The following CFAP161 variants were observed in gnomAD, a reference collection of about 807,000 sequenced individuals.
The protein encoded by CFAP161 is cilia and flagella associated protein 161.
CFAP161 carries 25 observed loss-of-function variants against 29.0 expected under a neutral mutation model. The ratio of observed to expected loss-of-function variants is 0.86; its 90% CI spans 0.63 to 1.20. The LOEUF (loss-of-function observed/expected upper bound fraction) is 1.20. Ranked by LOEUF, CFAP161 falls within the 50% of genes most tolerant of loss-of-function variation. CFAP161 has a pLI of 0.00. For missense variants in CFAP161, 367 were observed against 371.9 expected, an observed-to-expected ratio of 0.99 and a Z score of 0.11; for synonymous variants, 116 against 137.4, an observed-to-expected ratio of 0.84 and a Z score of 1.09.
chr15:81,111,201 A>G (rs561567537), intron 1 of CFAP161, among the ~76,000 whole-genome samples: 5 of 152,342 alleles, frequency 3.3e-5, no homozygotes, highest in African/African-American at 1.2e-4. Context: ...TGTTCAGAAC[A>G]GTCTTCTCCT....
At chr15:81,132,598 T>TTA (rs1337739410), upstream of CFAP161, among the ~76,000 whole-genome samples, 3 of 152,198 alleles carry the variant, frequency 2.0e-5, no homozygotes, top group African/African-American at 7.2e-5. Flanking sequence ...ATTGGGTCTA[T>TTA]TATATATAGA....
chr15:81,127,592 G>A (rs1252368028), exon 2 of CFAP161: 1 of 151,990 alleles, frequency 6.6e-6, no homozygotes, highest in African/African-American at 2.4e-5. Context: ...TTATTAAGGT[G>A]GGCTTATCTA....
chr15:81,103,966 T>A (rs1340264147), intron 1 of CFAP161, among the ~76,000 whole-genome samples: 2 of 109,678 alleles, frequency 1.8e-5, no homozygotes, highest in Non-Finnish European at 5.2e-5. Flanking sequence ...ATGTTGATGG[T>A]TATTGTGGTG....
chr15:81,122,263 T>C (rs993945399), intron 1 of CFAP161, among the ~76,000 whole-genome samples: 12 of 152,134 alleles, frequency 7.9e-5, no homozygotes, highest in Non-Finnish European at 1.5e-4. Context: ...GGTATTTCTG[T>C]CTTTAGGTCT....
intron 4 of CFAP161, among the ~76,000 whole-genome samples, chr15:81,143,044 C>T (rs1305764114): frequency 1.3e-5 from 2 of 152,056 alleles, no homozygotes; most frequent in Admixed American, 6.6e-5. Flanking sequence ...TGGGCATGGT[C>T]GTTCACACCT....
chr15:81,131,993 A>G (rs1894717594), upstream of CFAP161, among the ~76,000 whole-genome samples: 1 of 152,186 alleles, frequency 6.6e-6, no homozygotes. Context: ...AATGGAGGCC[A>G]TGGCTGGGCA....
intron 5 of CFAP161, among the ~76,000 whole-genome samples, chr15:81,146,671 G>T (rs1180479344): frequency 6.6e-6 from 1 of 151,226 alleles, no homozygotes; most frequent in African/African-American, 2.4e-5. Context: ...GCATCATTAG[G>T]CAATCGTGGT....
At chr15:81,112,067 G>A (rs78322044) in intron 1 of CFAP161, among the ~76,000 whole-genome samples, 1,545 of 152,152 alleles carry the variant, frequency 0.01, 29 homozygotes, top group African/African-American at 0.036. Context: ...TTAACATATT[G>A]CAGATTATTT....
intron 1 of CFAP161, among the ~76,000 whole-genome samples, chr15:81,115,579 T>C (rs1307871538): frequency 6.6e-6 from 1 of 152,202 alleles, no homozygotes; most frequent in East Asian, 1.9e-4. Flanking sequence ...ATTTAATAAA[T>C]AACAGATCCA....
chr15:81,113,627 G>A (rs1053136604), intron 1 of CFAP161, among the ~76,000 whole-genome samples: 1 of 152,210 alleles, frequency 6.6e-6, no homozygotes. Context: ...ATACAACTCA[G>A]TAACAGCCAA....
At chr15:81,110,622 C>T (rs1894428062) in intron 1 of CFAP161, among the ~76,000 whole-genome samples, 1 of 151,908 alleles carries the variant, frequency 6.6e-6, no homozygotes, top group Admixed American at 6.6e-5. Flanking sequence ...GTGTTAACTA[C>T]AAAAGGGTTT....
intron 4 of CFAP161, among the ~76,000 whole-genome samples, chr15:81,141,589 G>A (rs1595919342): frequency 1.3e-5 from 2 of 152,040 alleles, no homozygotes; most frequent in Admixed American, 6.6e-5. Context: ...TCATAGAAGC[G>A]TTGGTGAAAT....
chr15:81,114,453 G>T (rs896269102), intron 1 of CFAP161, among the ~76,000 whole-genome samples: 2 of 152,188 alleles, frequency 1.3e-5, no homozygotes, highest in Non-Finnish European at 2.9e-5. Context: ...GGTGGGGGTT[G>T]ATTAGGGTGG....
At chr15:81,148,035 T>C in intron 6 of CFAP161, 104 bp downstream of exon 6, 1 of 925,930 alleles carries the variant, frequency 1.1e-6, no homozygotes, top group Non-Finnish European at 1.6e-6. Flanking sequence ...ATACAAAAAA[T>C]GTCCTTTGCT....
In CFAP161 at chr15:81,135,344, G is replaced by C; in HGVS notation, c.144G>C (p.Gln48His). 3 of 1,588,072 alleles carry C rather than the reference G, an allele frequency of 1.9e-6. 1 individual carries two copies. Among genetic ancestry groups the C allele is most frequent in the South Asian group, 2.3e-5 (2 of 85,548 alleles). ...LLIQRSRRLKQNLLRPMQLSV... is the reference protein window; with the variant it reads ...LLIQRSRRLKHNLLRPMQLSV... Reference sequence around the variant, plus strand: ...TACAGAGAAGTAGAAGACTAAAACAGAATCTCTTGAGACCGGTAACTTTTT... The same window carrying C: ...TACAGAGAAGTAGAAGACTAAAACACAATCTCTTGAGACCGGTAACTTTTT... The change falls in exon 2 of 7, where the codon CAG becomes CAC. Residue 48 changes from glutamine (Q) to histidine (H), a missense_variant. Transcript: ENST00000286732.
chr15:81,117,309 G>A (rs1256843623), intron 1 of CFAP161, among the ~76,000 whole-genome samples: 4 of 151,936 alleles, frequency 2.6e-5, no homozygotes, highest in Non-Finnish European at 4.4e-5. Context: ...AAATGCTGTC[G>A]CAATCTCAGT....
At chr15:81,140,634 C>T (rs1894891282) in intron 4 of CFAP161, among the ~76,000 whole-genome samples, 3 of 151,982 alleles carry the variant, frequency 2.0e-5, no homozygotes. Context: ...ACATGGTTCA[C>T]TGCAGCTTCC....
In CFAP161 at chr15:81,143,809, T is replaced by C; in HGVS notation, c.625T>C (p.Phe209Leu). The change falls in exon 5 of 7, where the codon TTC becomes CTC. Residue 209 changes from phenylalanine (F) to leucine (L), a missense_variant. Phe to Leu is a conservative substitution (Grantham distance 22). Transcript: ENST00000286732. The stretch of plus-strand genomic sequence containing the variant: ...CCAGTTACGCCTGGAATATGAAGGC[T>C]TCCCCGTCCCGGTGAGTGCAGCATC... The part of the protein sequence containing the change: ...DPQLRLEYEG[F>L]PVPANAKILI... 1.9e-6 allele frequency: 3 copies of C among 1,614,090 alleles called. No individual in the cohort carries two copies. The highest frequency in any genetic ancestry group is 2.5e-6 in the Non-Finnish European group (3 of 1,179,962).
intron 1 of CFAP161, among the ~76,000 whole-genome samples, chr15:81,105,343 C>T (rs1464540036): frequency 6.9e-4 from 14 of 20,254 alleles, no homozygotes; most frequent in Non-Finnish European, 2.9e-3. Context: ...CTTTTCTTCC[C>T]TCCTTCCCTC....
Sources: allele counts gnomAD v4.1 joint callset (sites outside exome capture counted in the v4.1 genomes callset), GRCh38; gene constraint gnomAD v4.1.1; transcripts MANE v1.5; gene names NCBI Gene and HGNC (gene_info 2026-07-23, HGNC 2026-07-21).